The following CIDEA variants were observed in gnomAD, a reference collection of about 807,000 sequenced individuals.
CIDEA encodes cell death inducing DFFA like effector a, also known as lipid transferase CIDEA.
Under a neutral mutation model 18.2 loss-of-function variants are expected in CIDEA, and 10 were observed. The observed-to-expected ratio is 0.55, with a 90% CI of 0.34 to 0.93. The LOEUF is 0.93. Among genes scored for constraint, CIDEA ranks in the 40% least tolerant of loss-of-function variants. The pLI, the probability that CIDEA is intolerant of heterozygous loss-of-function variation, is 0.02. For missense variants in CIDEA, 309 were observed against 293.1 expected (o/e 1.05, Z -0.40); for synonymous variants, 128 against 124.8 (o/e 1.03, Z -0.17).
Position 12,258,271 on chromosome 18 carries a change from G to A in CIDEA, c.38+3850G>A, listed in dbSNP as rs7505933. 2.8e-4 allele frequency among the ~76,000 whole-genome samples: 43 copies of A among 152,306 alleles called. No homozygotes were observed. The South Asian group carries it at 8.9e-3, about 32-fold the overall frequency. The stretch of plus-strand genomic sequence containing the variant: ...TTATCTTGTCAGACAGGTAAAGACC[G>A]CAGGAACCTGGAATTAATCATCTGG... On this transcript the variant is annotated intron_variant, in intron 1 of 4. Coordinates refer to ENST00000320477, the MANE Select transcript of CIDEA (RefSeq NM_001279.4).
chr18:12,254,463 C>A (rs1911954287), intron 1 of CIDEA, 42 bp downstream of exon 1: 2 of 1,591,082 alleles, frequency 1.3e-6, no homozygotes, highest in African/African-American at 1.3e-5. Flanking sequence ...CGCTTCCAAT[C>A]GCCTTGCGTT....
At chr18:12,277,044 A>C (rs2144092998) in intron 4 of CIDEA, 79 bp from the exon 5 acceptor site, 1 of 1,504,684 alleles carries the variant, frequency 6.6e-7, no homozygotes. Context: ...TGGTGGGGGG[A>C]GTGAAGTATT....
chr18:12,272,532 G>C (rs1357832247), intron 3 of CIDEA, among the ~76,000 whole-genome samples: 1 of 151,826 alleles, frequency 6.6e-6, no homozygotes, highest in Non-Finnish European at 1.5e-5. Context: ...ATTTTTAGTA[G>C]AGACGGGGTT....
intron 4 of CIDEA, among the ~76,000 whole-genome samples, chr18:12,276,451 C>T (rs1175205127): frequency 6.6e-6 from 1 of 152,208 alleles, no homozygotes. Flanking sequence ...AGCCACCACA[C>T]CTGGCCACAA....
intron 1 of CIDEA, among the ~76,000 whole-genome samples, chr18:12,255,734 G>C (rs1345799254): frequency 1.3e-5 from 2 of 152,196 alleles, no homozygotes; most frequent in African/African-American, 4.8e-5. Flanking sequence ...AACCAATCCT[G>C]GTTGGCCTCT....
At chr18:12,262,388 C>T (rs184234253) in intron 1 of CIDEA, among the ~76,000 whole-genome samples, 241 of 152,256 alleles carry the variant, frequency 1.6e-3, no homozygotes, top group African/African-American at 5.6e-3. Flanking sequence ...TGATTTCTGG[C>T]TTACCCTTAT....
intron 1 of CIDEA, among the ~76,000 whole-genome samples, chr18:12,258,800 A>G (rs1912109767): frequency 6.6e-6 from 1 of 152,178 alleles, no homozygotes; most frequent in Admixed American, 6.5e-5. Context: ...GCTCTCACAC[A>G]CGAGGGTTTG....
intron 3 of CIDEA, among the ~76,000 whole-genome samples, chr18:12,272,579 C>T (rs1277650108): frequency 6.6e-6 from 1 of 152,132 alleles, no homozygotes; most frequent in East Asian, 1.9e-4. Flanking sequence ...AACTCCTGAC[C>T]TCAGGTCACC....
intron 3 of CIDEA, among the ~76,000 whole-genome samples, chr18:12,266,749 CA>C (rs1460570055): frequency 6.7e-6 from 1 of 148,688 alleles, no homozygotes; most frequent in Non-Finnish European, 1.5e-5. Flanking sequence ...AAACAAGATA[CA>C]ATGCACAAGT....
intron 3 of CIDEA, among the ~76,000 whole-genome samples, chr18:12,269,690 C>G (rs750543748): frequency 2.0e-5 from 3 of 152,114 alleles, no homozygotes; most frequent in Non-Finnish European, 4.4e-5. Context: ...TTTATTATGG[C>G]CTTTCTTTCT....
intron 1 of CIDEA, among the ~76,000 whole-genome samples, chr18:12,256,239 T>C (rs9966607): frequency 0.72 from 109,740 of 152,224 alleles, 40,003 homozygotes; most frequent in East Asian, 0.8. Context: ...GGTCCTAACA[T>C]ATTTGCTAAT....
At chr18:12,254,818 T>C in intron 1 of CIDEA, 3 of 1,340,932 alleles carry the variant, frequency 2.2e-6, no homozygotes, top group Non-Finnish European at 3.0e-6. Context: ...GCTTCCGCGA[T>C]GCGAGGGGAC....
chr18:12,262,218 G>T (rs1468107137), intron 1 of CIDEA, among the ~76,000 whole-genome samples: 1 of 148,522 alleles, frequency 6.7e-6, no homozygotes, highest in African/African-American at 2.6e-5. Context: ...GATAAATGTG[G>T]ACTTAATCCA....
chr18:12,274,494 A>G (rs1363141382), intron 4 of CIDEA, among the ~76,000 whole-genome samples: 2 of 152,228 alleles, frequency 1.3e-5, no homozygotes, highest in Non-Finnish European at 2.9e-5. Context: ...AAGACCACTA[A>G]CTATTCATTA....
Position 12,277,233 on chromosome 18 carries a change from T to C in CIDEA, c.623T>C (p.Leu208Pro), listed in dbSNP as rs143031450. ...VLDDKEERPS[L>P]RSQAKGRFTC... ...GATGACAAGGAAGAGCGGCCATCCC[T>C]CCGGTCACAAGCCAAGGGCAGGTTC... The change falls in exon 5 of 5, where the codon CTC becomes CCC. Residue 208 changes from leucine (L) to proline (P), a missense_variant. By Grantham distance (98) the Leu-to-Pro change is moderately conservative. Transcript: ENST00000320477. 1.2e-6 allele frequency: 2 copies of C among 1,613,962 alleles called. No homozygotes were observed. Among genetic ancestry groups the C allele is most frequent in the Non-Finnish European group, 1.7e-6 (2 of 1,180,018 alleles).
intron 3 of CIDEA, among the ~76,000 whole-genome samples, chr18:12,265,847 A>C (rs950136502): frequency 1.3e-5 from 2 of 152,336 alleles, no homozygotes; most frequent in African/African-American, 4.8e-5. Flanking sequence ...AGTAAGCAGA[A>C]GCAATCAAGT....
At chr18:12,264,849 G>T (rs769318415) in intron 3 of CIDEA, among the ~76,000 whole-genome samples, 13 of 152,296 alleles carry the variant, frequency 8.5e-5, no homozygotes, top group Middle Eastern at 3.4e-3. Flanking sequence ...CACCGCGCCC[G>T]GCCAACTTCT....
intron 1 of CIDEA, among the ~76,000 whole-genome samples, chr18:12,261,645 C>T (rs1195909718): frequency 1.3e-5 from 2 of 152,044 alleles, no homozygotes; most frequent in Non-Finnish European, 2.9e-5. Flanking sequence ...CTCACTGCAG[C>T]CTTGACCTTC....
chr18:12,257,797 G>C (rs367743168), intron 1 of CIDEA, among the ~76,000 whole-genome samples: 1 of 152,142 alleles, frequency 6.6e-6, no homozygotes, highest in Non-Finnish European at 1.5e-5. Flanking sequence ...CATGTGTGGT[G>C]TGTCTAAACG....
Sources: allele counts gnomAD v4.1 joint callset (sites outside exome capture counted in the v4.1 genomes callset), GRCh38; gene constraint gnomAD v4.1.1; transcripts MANE v1.5; gene names NCBI Gene and HGNC (gene_info 2026-07-23, HGNC 2026-07-21).